Variants in STX6 observed in about 807,000 individuals in gnomAD.
STX6 encodes syntaxin-6.
In STX6, 23 loss-of-function variants were observed where a neutral mutation model predicts 38.0. That is an observed-to-expected ratio of 0.60 (90% CI 0.43 to 0.86). STX6 has a LOEUF of 0.86. Ranked by LOEUF, STX6 falls within the 40% of genes least tolerant of loss-of-function variation. STX6 has a pLI of 0.00. For synonymous variants in STX6, 123 were observed against 107.5 expected, an observed-to-expected ratio of 1.14 and a Z score of -0.89; for missense variants, 274 against 312.9, an observed-to-expected ratio of 0.88 and a Z score of 0.94.
At chr1:181,017,529 A>G (rs1234554097) in intron 1 of STX6, among the ~76,000 whole-genome samples, 1 of 152,220 alleles carries the variant, frequency 6.6e-6, no homozygotes, top group East Asian at 1.9e-4. Flanking sequence ...CTGTCTCCAC[A>G]TGCTCAGTTA....
In STX6 at chr1:180,972,762, T is replaced by A. The variant is rs2102294135; in HGVS notation, c.*3808A>T. 1 of 391,786 alleles carries A rather than the reference T, an allele frequency of 2.6e-6. No individual in the cohort carries two copies. Among genetic ancestry groups the A allele is most frequent in the Admixed American group, 2.9e-5 (1 of 34,434 alleles). The allele number at this position is 391,786 out of a possible 1,614,324, so 24.3% of individuals were successfully genotyped here. A position where few individuals can be genotyped will look rare whatever the true frequency, so the allele number is the denominator to read the frequency against. On this transcript the variant is annotated 3_prime_UTR_variant, in exon 8 of 8. Transcript: ENST00000258301. Reference sequence around the variant, plus strand: ...TGTTTTATTTTCCTTTTCCGGAGACTTTTGTACATACTGTTGTCCTGAGTA... The same window carrying A: ...TGTTTTATTTTCCTTTTCCGGAGACATTTGTACATACTGTTGTCCTGAGTA...
chr1:181,014,770 T>C (rs1218604239), intron 1 of STX6, among the ~76,000 whole-genome samples: 1 of 152,242 alleles, frequency 6.6e-6, no homozygotes, highest in Admixed American at 6.5e-5. Context: ...TCGTTTGTAT[T>C]TGAAAGGAAA....
In STX6 at chr1:181,022,618, G is replaced by A. The variant is rs371445755; in HGVS notation, c.35+21C>T. ...AGCACCGCCACCTCTTCCTCCGGTG[G>A]AGCGCTCGGCCGACACTCACCCTTT... On this transcript the variant is annotated intron_variant, in intron 1 of 7. Coordinates refer to ENST00000258301, the MANE Select transcript of STX6 (RefSeq NM_005819.6). 2.3e-4 allele frequency: 363 copies of A among 1,605,946 alleles called. 3 individuals carry two copies. The highest frequency in any genetic ancestry group is 3.3e-4 in the Middle Eastern group (2 of 6,082).
intron 1 of STX6, among the ~76,000 whole-genome samples, chr1:181,006,732 T>C (rs1463002355): frequency 6.6e-6 from 1 of 152,044 alleles, no homozygotes; most frequent in Non-Finnish European, 1.5e-5. Context: ...CCTCTGACGT[T>C]TCAAGTATTG....
intron 4 of STX6, among the ~76,000 whole-genome samples, chr1:180,992,602 A>G (rs1246644447): frequency 2.0e-5 from 3 of 152,208 alleles, no homozygotes; most frequent in Admixed American, 1.3e-4. Flanking sequence ...ACTTCTGTCA[A>G]AAAAATTACC....
rs1458206783 is a variant in STX6 at position 180,974,842 on chromosome 1, G to C, written c.*1728C>G. 2 of 152,414 alleles carry C rather than the reference G, an allele frequency of 1.3e-5. No individual in the cohort carries two copies. Among genetic ancestry groups the C allele is most frequent in the African/African-American group, 4.8e-5 (2 of 41,386 alleles). 9.4% of individuals were successfully genotyped at this position (152,414 alleles called of 1,614,324 possible). A position where few individuals can be genotyped will look rare whatever the true frequency, so the allele number is the denominator to read the frequency against. ...TAACTTATTTATATATCAAACATTA[G>C]AGCGGAGTGTAAACATGGATGTCAA... On this transcript the variant is annotated 3_prime_UTR_variant, in exon 8 of 8. Transcript: ENST00000258301.
intron 3 of STX6, among the ~76,000 whole-genome samples, chr1:180,995,337 A>G (rs1012025646): frequency 1.3e-5 from 2 of 152,136 alleles, no homozygotes; most frequent in Admixed American, 1.3e-4. Context: ...CACATTTTTA[A>G]CAAGCCCCCT....
In STX6 at chr1:180,974,272, T is replaced by C. The variant is rs1211357954; in HGVS notation, c.*2298A>G. On this transcript the variant is annotated 3_prime_UTR_variant, in exon 8 of 8. Transcript: ENST00000258301. ...CAGGGGCAGAAGGGCATGGTGGCCC[T>C]ACGGGTAGAATGCACTGTATTGTTA... 6.6e-6 allele frequency: 1 copy of C among 152,248 alleles called. No individual in the cohort carries two copies. Among genetic ancestry groups the C allele is most frequent in the Non-Finnish European group, 1.5e-5 (1 of 68,038 alleles). 9.4% of individuals were successfully genotyped at this position (152,248 alleles called of 1,614,324 possible). A position where few individuals can be genotyped will look rare whatever the true frequency, so the allele number is the denominator to read the frequency against.
chr1:181,001,906 T>C (rs1427662610), intron 3 of STX6, among the ~76,000 whole-genome samples: 1 of 152,202 alleles, frequency 6.6e-6, no homozygotes, highest in Non-Finnish European at 1.5e-5. Flanking sequence ...AGGCTGGGCA[T>C]GGTGGCTCAC....
Position 181,022,760 on chromosome 1 carries a change from C to T in STX6, c.-87G>A. 2.1e-5 allele frequency: 28 copies of T among 1,352,820 alleles called. No homozygotes were observed. In the South Asian group the frequency reaches 3.5e-4, roughly 17 times the overall value. 83.8% of individuals were successfully genotyped at this position (1,352,820 alleles called of 1,614,324 possible). ...TCCCTCCGCCCACCCCGCCTGTTCCCGCAGCTGCCCGCGCCTTAGTCTGGG... is the reference window on the plus strand; with the variant it reads ...TCCCTCCGCCCACCCCGCCTGTTCCTGCAGCTGCCCGCGCCTTAGTCTGGG... On this transcript the variant is annotated 5_prime_UTR_variant, in exon 1 of 8. Coordinates refer to ENST00000258301, the MANE Select transcript of STX6 (RefSeq NM_005819.6).
At chr1:181,022,504 G>T in intron 1 of STX6, 135 bp downstream of exon 1, 3 of 882,200 alleles carry the variant, frequency 3.4e-6, no homozygotes, top group Non-Finnish European at 5.4e-6. Flanking sequence ...TGGCCCTCAA[G>T]ACTAAGCCGT....
In STX6 at chr1:181,002,638, C is replaced by T; in HGVS notation, c.268G>A (p.Ala90Thr). The T allele has an allele frequency of 6.2e-7, 1 of 1,613,622 alleles. No individual in the cohort carries two copies. The highest frequency in any genetic ancestry group is 8.5e-7 in the Non-Finnish European group (1 of 1,179,666). ...LDATELSIRK[A>T]FITSTRQVVR... ...ACTTGCCGAGTACTTGTAATGAAGG[C>T]TTTTCTTATACTCAATTCAGTTGCA... Residue 90 changes from alanine to threonine, a missense_variant, in exon 3 of 8, where the codon GCC (alanine) becomes ACC (threonine). Transcript: ENST00000258301.
intron 7 of STX6, among the ~76,000 whole-genome samples, chr1:180,980,159 A>G (rs903336948): frequency 2.1e-5 from 3 of 143,352 alleles, no homozygotes; most frequent in Non-Finnish European, 4.5e-5. Flanking sequence ...GTGAGCTGAG[A>G]TCGCACCTCT....
intron 6 of STX6, among the ~76,000 whole-genome samples, chr1:180,986,675 G>A (rs1165802671): frequency 2.0e-5 from 3 of 152,096 alleles, no homozygotes; most frequent in Non-Finnish European, 4.4e-5. Context: ...TCCTTCCCTA[G>A]TACTTGGGAC....
At chr1:180,982,626 A>C (rs748525755) in intron 7 of STX6, among the ~76,000 whole-genome samples, 8 of 152,236 alleles carry the variant, frequency 5.3e-5, no homozygotes, top group Non-Finnish European at 1.2e-4. Flanking sequence ...ATCTTTGTTC[A>C]CTTGCTCTTC....
At chr1:180,981,116 T>C (rs1655402758) in intron 7 of STX6, among the ~76,000 whole-genome samples, 1 of 152,200 alleles carries the variant, frequency 6.6e-6, no homozygotes, top group Non-Finnish European at 1.5e-5. Context: ...CATTTATACA[T>C]TTGTTCAAAC....
Position 180,972,985 on chromosome 1 carries a change from G to A in STX6, c.*3585C>T, listed in dbSNP as rs1218462461. On this transcript the variant is annotated 3_prime_UTR_variant, in exon 8 of 8. Transcript: ENST00000258301. The stretch of plus-strand genomic sequence containing the variant: ...GGCAGGGGCACTGTCCTCAGGGGCG[G>A]ACTTTGCTCAGGGATGGCGCACAGT... The A allele has an allele frequency of 5.9e-6, 1 of 169,938 alleles. No individual in the cohort carries two copies. Among genetic ancestry groups the A allele is most frequent in the Non-Finnish European group, 1.3e-5 (1 of 78,898 alleles). The allele number at this position is 169,938 out of a possible 1,614,324, so 10.5% of individuals were successfully genotyped here.
chr1:181,000,757 C>T (rs758717898), intron 3 of STX6, among the ~76,000 whole-genome samples: 55 of 152,028 alleles, frequency 3.6e-4, no homozygotes, highest in Middle Eastern at 3.4e-3. Context: ...TTGCAAACTT[C>T]CTAAGTCTAC....
rs747729451 is a variant in STX6, at chr1:180,984,721, TC to T, written c.646del (p.Asp216ThrfsTer3). 3 of 1,599,762 alleles carry T rather than the reference TC, an allele frequency of 1.9e-6. No individual in the cohort carries two copies. Among genetic ancestry groups the T allele is most frequent in the Non-Finnish European group, 2.6e-6 (3 of 1,167,142 alleles). On this transcript the variant is annotated frameshift_variant, in exon 7 of 8. Coordinates refer to ENST00000258301, the MANE Select transcript of STX6 (RefSeq NM_005819.6). LOFTEE classifies it high-confidence loss of function. ...TTTTGCAAGTTTCTTCATCACATTGTCCAGCCGGGACTGAGTGCTCTCCAAT... is the reference window on the plus strand; with the variant it reads ...TTTTGCAAGTTTCTTCATCACATTGTCAGCCGGGACTGAGTGCTCTCCAAT... ...HELESTQSRL[D>X]NVMKKLAKVS...
Sources: allele counts gnomAD v4.1 joint callset (sites outside exome capture counted in the v4.1 genomes callset), GRCh38; gene constraint gnomAD v4.1.1; transcripts MANE v1.5; gene names NCBI Gene and HGNC (gene_info 2026-07-23, HGNC 2026-07-21).